ERAL1: variants seen among roughly 807,000 people sequenced by gnomAD.
The protein encoded by ERAL1 is Era like 12S mitochondrial rRNA chaperone 1, also known as GTPase Era, mitochondrial.
In ERAL1, 36 loss-of-function variants were observed where a neutral mutation model predicts 53.6. The ratio of observed to expected loss-of-function variants is 0.67; its 90% confidence interval spans 0.51 to 0.89. ERAL1 has a LOEUF of 0.89. ERAL1 is among the 40% of genes least tolerant of loss of function. The probability of loss-of-function intolerance (pLI) is 0.00; values close to 1 mark genes in which losing one functional copy is unlikely to be tolerated. For synonymous variants in ERAL1, 215 were observed against 211.8 expected, an observed-to-expected ratio of 1.02 and a Z score of -0.13; for missense variants, 512 against 537.5, an observed-to-expected ratio of 0.95 and a Z score of 0.47.
intron 9 of ERAL1, 99 bp from the exon 10 acceptor site, chr17:28,860,332 C>T: frequency 7.0e-7 from 1 of 1,436,150 alleles, no homozygotes; most frequent in Non-Finnish European, 9.5e-7. Flanking sequence ...GACTCAAACT[C>T]CTGTGCTCAA....
In ERAL1 at chr17:28,861,001, T is replaced by G; in HGVS notation, c.*448T>G. 4.8e-6 allele frequency: 1 copy of G among 207,420 alleles called. No individual in the cohort carries two copies. 12.8% of individuals were successfully genotyped at this position (207,420 alleles called of 1,614,324 possible). On this transcript the variant is annotated 3_prime_UTR_variant, in exon 10 of 10. Coordinates refer to ENST00000254928, the MANE Select transcript of ERAL1 (RefSeq NM_005702.4). ...CATCTGCTCCCCAATTCTTGATCTC[T>G]CCCACCCCATCCCTCTCCCCAGTCT...
intron 3 of ERAL1, among the ~76,000 whole-genome samples, chr17:28,856,904 G>A (rs905966699): frequency 2.7e-5 from 4 of 150,764 alleles, no homozygotes; most frequent in Non-Finnish European, 5.9e-5. Flanking sequence ...GTAGAGATGG[G>A]GTCTCACTGT....
At chr17:28,857,617 C>G (rs984889893) in intron 3 of ERAL1, among the ~76,000 whole-genome samples, 4 of 151,616 alleles carry the variant, frequency 2.6e-5, no homozygotes, top group African/African-American at 9.7e-5. Context: ...TGGTGAAACC[C>G]TGTCTCTACT....
At chr17:28,856,775 G>A (rs1323413651) in intron 3 of ERAL1, 193 bp downstream of exon 3, 13 of 526,606 alleles carry the variant, frequency 2.5e-5, no homozygotes, top group Non-Finnish European at 3.7e-5. Context: ...GCAGTGACGC[G>A]ATCTTGGCTC....
At chr17:28,855,364 T>C (rs749470542) in intron 1 of ERAL1, 47 bp downstream of exon 1, 1 of 1,513,284 alleles carries the variant, frequency 6.6e-7, no homozygotes, top group African/African-American at 1.4e-5. Flanking sequence ...GTTTTTAGTA[T>C]TGAAAGGTTT....
rs1048357886 is a variant in ERAL1 at position 28,855,234 on chromosome 17, G to A, written c.200G>A (p.Gly67Asp). 3 of 1,614,230 alleles carry A rather than the reference G, an allele frequency of 1.9e-6. No individual in the cohort carries two copies. The highest frequency in any genetic ancestry group is 1.7e-5 in the Admixed American group (1 of 60,022). ...LASASRSNGQ[G>D]SALDHFLGFS... Reference sequence around the variant, plus strand: ...TCGGCTTCTCGCAGTAATGGCCAGGGCTCTGCCCTGGACCACTTCCTCGGA... The same window carrying A: ...TCGGCTTCTCGCAGTAATGGCCAGGACTCTGCCCTGGACCACTTCCTCGGA... The change falls in exon 1 of 10, where the codon GGC becomes GAC. Residue 67 changes from glycine (G) to aspartate (D), a missense_variant. Transcript: ENST00000254928.
In ERAL1 at chr17:28,855,038, G is replaced by C. The variant is rs199929224; in HGVS notation, c.4G>C (p.Ala2Pro). 1.9e-6 allele frequency: 3 copies of C among 1,588,116 alleles called. No homozygotes were observed. Among genetic ancestry groups the C allele is most frequent in the Admixed American group, 3.5e-5 (2 of 57,024 alleles). MAAPSWRGARLV... is the reference protein window; with the variant it reads MPAPSWRGARLV... ...CCCGCAGTGCCTTGCGGCTGTAATG[G>C]CTGCCCCCAGCTGGCGCGGGGCTAG... Residue 2 changes from alanine (A) to proline (P), a missense_variant, in exon 1 of 10, where the codon GCT becomes CCT. By Grantham distance (27) the Ala-to-Pro change is conservative. Transcript: ENST00000254928.
chr17:28,858,301 A>T (rs564879084), intron 5 of ERAL1, 73 bp from the exon 6 acceptor site: 115 of 1,608,978 alleles, frequency 7.1e-5, no homozygotes, highest in Non-Finnish European at 9.2e-5. Context: ...AGCTCATACC[A>T]TGGAAGTTTT....
chr17:28,858,471 C>T lies in ERAL1; in HGVS notation c.696C>T (p.Val232=), dbSNP rs1438402745. 3.7e-6 allele frequency: 6 copies of T among 1,614,116 alleles called. No homozygotes were observed. The highest frequency in any genetic ancestry group is 5.1e-6 in the Non-Finnish European group (6 of 1,180,016). The change falls in exon 6 of 10, where the codon GTC becomes GTT. Residue 232 remains valine (V), a synonymous_variant. Transcript: ENST00000254928. ...CLTKYSQIPS[V]LVMNKVDCLK... is the part of the protein sequence containing the mutation. Reference sequence around the variant, plus strand: ...CCAAGTACTCCCAGATCCCTAGTGTCCTGGTCATGAACAAGGTGAGCACTA... The same window carrying T: ...CCAAGTACTCCCAGATCCCTAGTGTTCTGGTCATGAACAAGGTGAGCACTA...
chr17:28,855,390 T>A, intron 1 of ERAL1, 73 bp downstream of exon 1: 1 of 1,471,412 alleles, frequency 6.8e-7, no homozygotes, highest in Non-Finnish European at 9.0e-7. Flanking sequence ...GATACTGTCT[T>A]TGATTCTATT....
In ERAL1 at chr17:28,856,249, C is replaced by T; in HGVS notation, c.284-15C>T. ...GATTCCACTGTGTCTCATGCTTCTT[C>T]CCACTTGCACATAGATGAGCAGGAT... On this transcript the variant is annotated splice_polypyrimidine_tract_variant and intron_variant, in intron 1 of 9. Transcript: ENST00000254928. 6.2e-7 allele frequency: 1 copy of T among 1,613,676 alleles called. No individual in the cohort carries two copies.
Position 28,859,423 on chromosome 17 carries a change from C to T in ERAL1, c.1191+140C>T, listed in dbSNP as rs371318752. The T allele has an allele frequency of 6.4e-4, 515 of 804,610 alleles. 6 individuals carry two copies. The highest frequency in any genetic ancestry group is 5.9e-3 in the South Asian group (328 of 55,588). The allele number at this position is 804,610 out of a possible 1,614,324, so 49.8% of individuals were successfully genotyped here. On this transcript the variant is annotated intron_variant, in intron 9 of 9. Coordinates refer to ENST00000254928, the MANE Select transcript of ERAL1 (RefSeq NM_005702.4). ...TTCTTTTTTTTGAGACAGTCTCGCT[C>T]TGTCACCCAGGCTGGAGTGCAGTGG... is the stretch of plus-strand genomic sequence containing the variant.
At position 28,858,425 on chromosome 17, in the gene ERAL1, C is replaced by A. The variant is rs748721019; in HGVS notation, c.650C>A (p.Pro217His). ...SDKWTRNQLS[P>H]QLLRCLTKYS... The stretch of plus-strand genomic sequence containing the variant: ...AAGTGGACACGGAACCAGCTCAGCC[C>A]CCAGTTGCTCAGGTGCTTGACCAAG... Residue 217 changes from proline to histidine, a missense_variant, in exon 6 of 10, where the codon CCC becomes CAC. By Grantham distance (77) the Pro-to-His change is moderately conservative. Coordinates refer to ENST00000254928, the MANE Select transcript of ERAL1 (RefSeq NM_005702.4). The A allele has an allele frequency of 2.5e-6, 4 of 1,613,998 alleles. No homozygotes were observed. Among genetic ancestry groups the A allele is most frequent in the Middle Eastern group, 1.6e-4 (1 of 6,084 alleles).
intron 9 of ERAL1, 34 bp downstream of exon 9, chr17:28,859,317 A>G (rs1200719199): frequency 1.2e-6 from 2 of 1,606,080 alleles, no homozygotes; most frequent in Admixed American, 1.7e-5. Flanking sequence ...AGAGATCAAG[A>G]CTATGTTAGG....
chr17:28,856,080 G>A (rs1487473625), intron 1 of ERAL1, among the ~76,000 whole-genome samples, 184 bp from the exon 2 acceptor site: 1 of 152,126 alleles, frequency 6.6e-6, no homozygotes, highest in African/African-American at 2.4e-5. Flanking sequence ...AAACTAAAGG[G>A]CTCAGGGAGT....
In ERAL1 at chr17:28,860,900, T is replaced by C. The variant is rs2039300052; in HGVS notation, c.*347T>C. Reference sequence around the variant, plus strand: ...TGAGTCGCTGTTGCTAGCAGGGAGATTTCTCTTCCTGCCCTCACTTCTTTC... The same window carrying C: ...TGAGTCGCTGTTGCTAGCAGGGAGACTTCTCTTCCTGCCCTCACTTCTTTC... On this transcript the variant is annotated 3_prime_UTR_variant, in exon 10 of 10. Transcript: ENST00000254928. 5.4e-6 allele frequency: 1 copy of C among 186,460 alleles called. No homozygotes were observed. Among genetic ancestry groups the C allele is most frequent in the Non-Finnish European group, 1.1e-5 (1 of 91,620 alleles). 11.6% of individuals were successfully genotyped at this position (186,460 alleles called of 1,614,324 possible). A position where few individuals can be genotyped will look rare whatever the true frequency, so the allele number is the denominator to read the frequency against.
chr17:28,855,087 T>C lies in ERAL1; in HGVS notation c.53T>C (p.Val18Ala). ...AGGCTTGTTCAATCGGTGTTAAGAG[T>C]CTGGCAGGTGGGCCCTCATGTCGCG... ...GARLVQSVLR[V>A]WQVGPHVARE... Residue 18 changes from valine (V) to alanine (A), a missense_variant, in exon 1 of 10, where the codon GTC becomes GCC. Coordinates refer to ENST00000254928, the MANE Select transcript of ERAL1 (RefSeq NM_005702.4). 1 of 1,614,032 alleles carries C rather than the reference T, an allele frequency of 6.2e-7. No homozygotes were observed. The highest frequency in any genetic ancestry group is 8.5e-7 in the Non-Finnish European group (1 of 1,179,958).
chr17:28,859,936 A>G (rs2049695266), intron 9 of ERAL1, among the ~76,000 whole-genome samples: 1 of 150,626 alleles, frequency 6.6e-6, no homozygotes, highest in Admixed American at 6.6e-5. Flanking sequence ...GCTGGGATTA[A>G]TATGCGTGAG....
At chr17:28,860,331 T>C (rs2039292533) in intron 9 of ERAL1, 100 bp from the exon 10 acceptor site, 1 of 1,425,280 alleles carries the variant, frequency 7.0e-7, no homozygotes, top group South Asian at 1.2e-5. Flanking sequence ...GGACTCAAAC[T>C]CCTGTGCTCA....
Sources: allele counts gnomAD v4.1 joint callset (sites outside exome capture counted in the v4.1 genomes callset), GRCh38; gene constraint gnomAD v4.1.1; transcripts MANE v1.5; gene names NCBI Gene and HGNC (gene_info 2026-07-23, HGNC 2026-07-21).